Variants in SGCZ observed in about 807,000 individuals in gnomAD.
The protein encoded by SGCZ is sarcoglycan zeta, also known as zeta-sarcoglycan.
In SGCZ, 40 loss-of-function variants were observed where a neutral mutation model predicts 41.3. The observed-to-expected ratio is 0.97, with a 90% confidence interval of 0.75 to 1.26. The LOEUF (loss-of-function observed/expected upper bound fraction) is 1.26, where lower values mean the gene tolerates loss of function less well. Ranked by LOEUF, SGCZ falls within the 50% of genes most tolerant of loss-of-function variation. SGCZ has a pLI of 0.00. For missense variants in SGCZ, 552 were observed against 369.8 expected (o/e 1.49, Z -4.04); for synonymous variants, 206 against 137.5 (o/e 1.50, Z -3.49).
chr8:14,117,296 C>G (rs1441273920), intron 5 of SGCZ, among the ~76,000 whole-genome samples: 3 of 151,582 alleles, frequency 2.0e-5, no homozygotes, highest in African/African-American at 7.3e-5. Context: ...CCTTGATCCA[C>G]TTAGCAAATA....
At chr8:14,154,345 A>T (rs1809340) in intron 5 of SGCZ, among the ~76,000 whole-genome samples, 31 of 152,126 alleles carry the variant, frequency 2.0e-4, no homozygotes, top group African/African-American at 7.2e-4. Flanking sequence ...CTCCAGCCTG[A>T]GCGACATAGC....
chr8:14,679,401 G>A (rs538694465), intron 1 of SGCZ, among the ~76,000 whole-genome samples: 2 of 151,954 alleles, frequency 1.3e-5, no homozygotes, highest in African/African-American at 2.4e-5. Context: ...AAGATGTACA[G>A]GGGGAAGACA....
At chr8:14,848,966 G>A (rs1803227718) in intron 1 of SGCZ, among the ~76,000 whole-genome samples, 1 of 152,032 alleles carries the variant, frequency 6.6e-6, no homozygotes, top group African/African-American at 2.4e-5. Flanking sequence ...GTAAAGAGCT[G>A]TCAAAACACA....
chr8:15,122,158 A>C (rs1350822977), intron 1 of SGCZ, among the ~76,000 whole-genome samples: 1 of 151,310 alleles, frequency 6.6e-6, no homozygotes, highest in Non-Finnish European at 1.5e-5. Context: ...TCATGGACAT[A>C]CTCAACCCCA....
At chr8:14,612,694 G>C (rs1805968227) in intron 1 of SGCZ, among the ~76,000 whole-genome samples, 1 of 151,658 alleles carries the variant, frequency 6.6e-6, no homozygotes, top group Non-Finnish European at 1.5e-5. Context: ...GTTTTGTTTT[G>C]TTTTGTTTTT....
chr8:14,928,769 G>A (rs1337334506), intron 1 of SGCZ, among the ~76,000 whole-genome samples: 4 of 152,116 alleles, frequency 2.6e-5, no homozygotes, highest in Non-Finnish European at 4.4e-5. Context: ...TATTTCTACA[G>A]GTAGGAATTG....
At chr8:14,928,201 A>T (rs911467465) in intron 1 of SGCZ, among the ~76,000 whole-genome samples, 1 of 152,224 alleles carries the variant, frequency 6.6e-6, no homozygotes, top group South Asian at 2.1e-4. Context: ...AATGTCAATG[A>T]CATCATTCAA....
intron 1 of SGCZ, among the ~76,000 whole-genome samples, chr8:15,079,168 C>T (rs984512827): frequency 6.6e-5 from 10 of 152,098 alleles, no homozygotes; most frequent in Non-Finnish European, 1.5e-5. Flanking sequence ...GATTCTCACA[C>T]CTGTTTTAGT....
chr8:14,533,548 G>T (rs887633455), intron 2 of SGCZ, among the ~76,000 whole-genome samples: 2 of 151,906 alleles, frequency 1.3e-5, no homozygotes, highest in South Asian at 2.1e-4. Context: ...TCTAAATGTG[G>T]TTTTTGTTTC....
chr8:14,507,761 T>A (rs957223079), intron 2 of SGCZ, among the ~76,000 whole-genome samples: 19 of 93,970 alleles, frequency 2.0e-4, no homozygotes, highest in African/African-American at 1.1e-3. Flanking sequence ...TGTTTGTTTG[T>A]TTTTTTGTTT....
intron 2 of SGCZ, among the ~76,000 whole-genome samples, chr8:14,435,693 G>A (rs1800070479): frequency 6.6e-6 from 1 of 152,154 alleles, no homozygotes; most frequent in Non-Finnish European, 1.5e-5. Context: ...GCTGGAATAT[G>A]GTGAAGTGTT....
At chr8:14,223,569 T>G (rs1806276186) in intron 4 of SGCZ, among the ~76,000 whole-genome samples, 1 of 152,018 alleles carries the variant, frequency 6.6e-6, no homozygotes, top group South Asian at 2.1e-4. Flanking sequence ...ATTAGTGAGC[T>G]GTTGGAACTA....
intron 1 of SGCZ, among the ~76,000 whole-genome samples, chr8:14,918,391 T>C (rs908060759): frequency 6.6e-6 from 1 of 152,080 alleles, no homozygotes; most frequent in African/African-American, 2.4e-5. Context: ...TCTGGGGTAA[T>C]TTTCTCGGGG....
chr8:14,423,711 G>C (rs751212200), intron 2 of SGCZ, among the ~76,000 whole-genome samples: 3 of 152,062 alleles, frequency 2.0e-5, no homozygotes, highest in Non-Finnish European at 4.4e-5. Flanking sequence ...ACTGTATCTG[G>C]CTTATCATTA....
At chr8:15,021,111 G>C (rs1461482363) in intron 1 of SGCZ, among the ~76,000 whole-genome samples, 2 of 152,120 alleles carry the variant, frequency 1.3e-5, no homozygotes, top group African/African-American at 2.4e-5. Context: ...CCCAACAAGA[G>C]AGACTATTTT....
At chr8:14,619,921 C>A (rs543098148) in intron 1 of SGCZ, among the ~76,000 whole-genome samples, 46 of 152,226 alleles carry the variant, frequency 3.0e-4, no homozygotes, top group African/African-American at 1.1e-3. Context: ...CCTTTCTTCA[C>A]AGAATTGGAA....
intron 2 of SGCZ, among the ~76,000 whole-genome samples, chr8:14,484,027 A>G (rs1010118183): frequency 1.3e-5 from 2 of 152,178 alleles, no homozygotes; most frequent in Non-Finnish European, 2.9e-5. Context: ...ATGACCATAG[A>G]AGAACACTGG....
In SGCZ at chr8:14,087,109, G is replaced by C. The variant is rs1349831939; in HGVS notation, c.*3334C>G. The stretch of plus-strand genomic sequence containing the variant: ...TTCCTAAGTTACAGTAAAATTTGAG[G>C]TGTATAATTGTCTTAAACTCTTAGA... On this transcript the variant is annotated 3_prime_UTR_variant, in exon 8 of 8. Transcript: ENST00000382080. Among the ~76,000 whole-genome samples, 1 of 151,510 alleles carries C rather than the reference G, an allele frequency of 6.6e-6. No homozygotes were observed. Among genetic ancestry groups the C allele is most frequent in the Non-Finnish European group, 1.5e-5 (1 of 67,688 alleles).
intron 2 of SGCZ, among the ~76,000 whole-genome samples, chr8:14,378,285 G>A (rs988005290): frequency 2.6e-5 from 4 of 152,074 alleles, no homozygotes; most frequent in Admixed American, 2.6e-4. Context: ...GGCCAGTGAT[G>A]GTGAGCATTT....
Sources: allele counts gnomAD v4.1 joint callset (sites outside exome capture counted in the v4.1 genomes callset), GRCh38; gene constraint gnomAD v4.1.1; transcripts MANE v1.5; gene names NCBI Gene and HGNC (gene_info 2026-07-23, HGNC 2026-07-21).